Variants in PPP2R5E observed in about 807,000 individuals in gnomAD.
PPP2R5E encodes serine/threonine-protein phosphatase 2A 56 kDa regulatory subunit epsilon isoform.
PPP2R5E carries 4 observed loss-of-function variants against 65.3 expected under a neutral mutation model. That is an observed-to-expected ratio of 0.06 (90% confidence interval 0.03 to 0.14). The LOEUF (loss-of-function observed/expected upper bound fraction) is 0.14. Ranked by LOEUF, PPP2R5E falls within the 10% of genes least tolerant of loss-of-function variation. The pLI is 1.00. For missense variants in PPP2R5E, 274 were observed against 556.1 expected, an observed-to-expected ratio of 0.49 and a Z score of 5.10; for synonymous variants, 183 against 187.4, an observed-to-expected ratio of 0.98 and a Z score of 0.19.
chr14:63,407,887 TG>T (rs1457923829), intron 5 of PPP2R5E, among the ~76,000 whole-genome samples: 1 of 152,228 alleles, frequency 6.6e-6, no homozygotes, highest in Non-Finnish European at 1.5e-5. Flanking sequence ...CCCAGTAAGA[TG>T]ACACTCGTTA....
intron 2 of PPP2R5E, among the ~76,000 whole-genome samples, chr14:63,494,963 G>A (rs995232942): frequency 2.0e-5 from 3 of 152,014 alleles, no homozygotes; most frequent in African/African-American, 7.2e-5. Context: ...CAGCATTTTG[G>A]AAGGCTGAGG....
At chr14:63,524,742 A>T (rs1381828091) in intron 2 of PPP2R5E, among the ~76,000 whole-genome samples, 1 of 152,176 alleles carries the variant, frequency 6.6e-6, no homozygotes, top group Non-Finnish European at 1.5e-5. Context: ...CGGCCTGGCC[A>T]GCCTTCTTGA....
At chr14:63,392,992 G>T (rs1416024825) in intron 8 of PPP2R5E, among the ~76,000 whole-genome samples, 1 of 152,098 alleles carries the variant, frequency 6.6e-6, no homozygotes, top group East Asian at 1.9e-4. Context: ...TTAAAGTGAT[G>T]AAGGCTTAAA....
chr14:63,435,776 T>A (rs1394835186), intron 3 of PPP2R5E, among the ~76,000 whole-genome samples: 2 of 152,198 alleles, frequency 1.3e-5, no homozygotes, highest in African/African-American at 4.8e-5. Flanking sequence ...AGGAGGCAAC[T>A]TTTTACCTGC....
chr14:63,408,446 G>A (rs1354870620), intron 5 of PPP2R5E, among the ~76,000 whole-genome samples: 1 of 151,912 alleles, frequency 6.6e-6, no homozygotes, highest in Non-Finnish European at 1.5e-5. Flanking sequence ...GGGTTTTATG[G>A]CACGCTCAGC....
At position 63,373,563 on chromosome 14, in the gene PPP2R5E, T is replaced by C. The variant is rs928732666; in HGVS notation, c.*2446A>G. On this transcript the variant is annotated 3_prime_UTR_variant, in exon 14 of 14. Transcript: ENST00000337537. ...GCCCTACGAATTTTAGACATATAGC[T>C]TTAATTGATTCTATAAATATGTCTA... The C allele has an allele frequency of 2.0e-5, 3 of 152,244 alleles. No homozygotes were observed. The highest frequency in any genetic ancestry group is 4.4e-5 in the Non-Finnish European group (3 of 68,038). 9.4% of individuals were successfully genotyped at this position (152,244 alleles called of 1,614,324 possible). A position where few individuals can be genotyped will look rare whatever the true frequency, so the allele number is the denominator to read the frequency against.
rs368775530 is a variant in PPP2R5E, at chr14:63,535,285, G to A, written c.157+4244C>T. 2.6e-5 allele frequency among the ~76,000 whole-genome samples: 4 copies of A among 152,094 alleles called. No homozygotes were observed. In the East Asian group the frequency reaches 7.7e-4, roughly 29 times the overall value. ...AAATACAAAAAAATTAGCTTGGTGT[G>A]GTGGTGGGCACCTGCAATCCCAGCT... On this transcript the variant is annotated intron_variant, in intron 2 of 13. Transcript: ENST00000337537.
intron 3 of PPP2R5E, among the ~76,000 whole-genome samples, chr14:63,440,248 T>C (rs185842041): frequency 6.6e-6 from 1 of 152,192 alleles, no homozygotes; most frequent in Non-Finnish European, 1.5e-5. Flanking sequence ...CCTCCTCACC[T>C]CCTCAATCAC....
At chr14:63,489,999 A>G (rs1215531622) in intron 2 of PPP2R5E, among the ~76,000 whole-genome samples, 1 of 152,154 alleles carries the variant, frequency 6.6e-6, no homozygotes, top group East Asian at 1.9e-4. Flanking sequence ...AAGCAACTAT[A>G]AACATATTTT....
intron 5 of PPP2R5E, among the ~76,000 whole-genome samples, chr14:63,414,371 G>A (rs182216792): frequency 7.9e-5 from 12 of 152,126 alleles, no homozygotes; most frequent in East Asian, 1.9e-4. Context: ...TCTTCTTACC[G>A]GCTTACTAGG....
At chr14:63,501,556 T>C (rs1455201820) in intron 2 of PPP2R5E, among the ~76,000 whole-genome samples, 3 of 152,092 alleles carry the variant, frequency 2.0e-5, no homozygotes, top group African/African-American at 7.2e-5. Context: ...AGAGAGAAGG[T>C]AGCGAGAGGA....
intron 2 of PPP2R5E, among the ~76,000 whole-genome samples, chr14:63,485,412 G>A (rs11851954): frequency 0.08 from 12,142 of 151,788 alleles, 729 homozygotes; most frequent in African/African-American, 0.17. Context: ...TTTTTTGTTC[G>A]TTTTTTGGGG....
At chr14:63,383,255 A>T (rs1014122724) in intron 12 of PPP2R5E, among the ~76,000 whole-genome samples, 4 of 152,364 alleles carry the variant, frequency 2.6e-5, no homozygotes, top group South Asian at 4.1e-4. Flanking sequence ...TGCAACAAAC[A>T]TGCTCCTAAT....
intron 5 of PPP2R5E, among the ~76,000 whole-genome samples, chr14:63,408,924 G>A (rs1357920748): frequency 3.3e-5 from 5 of 152,070 alleles, no homozygotes; most frequent in East Asian, 1.9e-4. Flanking sequence ...GTGAAACCAC[G>A]TCTCTACCAA....
intron 5 of PPP2R5E, among the ~76,000 whole-genome samples, chr14:63,414,557 G>A (rs1032631463): frequency 1.3e-5 from 2 of 152,184 alleles, no homozygotes; most frequent in Non-Finnish European, 2.9e-5. Context: ...TAAAAAGGAA[G>A]ATCCATTGTT....
intron 2 of PPP2R5E, among the ~76,000 whole-genome samples, chr14:63,493,758 A>G (rs1169812720): frequency 6.6e-6 from 1 of 152,124 alleles, no homozygotes; most frequent in Non-Finnish European, 1.5e-5. Flanking sequence ...TGAGCTTCAA[A>G]TGACACAGGA....
intron 2 of PPP2R5E, among the ~76,000 whole-genome samples, chr14:63,484,349 A>T (rs61479213): frequency 0.055 from 6,049 of 110,666 alleles, 277 homozygotes; most frequent in African/African-American, 0.17. Flanking sequence ...TCTCTCTCTC[A>T]CACACACACA....
intron 4 of PPP2R5E, among the ~76,000 whole-genome samples, chr14:63,419,010 C>T (rs1000930310): frequency 1.3e-5 from 2 of 152,034 alleles, no homozygotes; most frequent in Non-Finnish European, 1.5e-5. Context: ...CCACGCCTGT[C>T]TAATTTTTGT....
chr14:63,455,644 G>C (rs1039657200), intron 2 of PPP2R5E, among the ~76,000 whole-genome samples: 1 of 151,954 alleles, frequency 6.6e-6, no homozygotes, highest in African/African-American at 2.4e-5. Flanking sequence ...TACCTGCTTT[G>C]GGCGTTTAAA....
Sources: gnomAD v4.1 joint callset for allele counts (sites outside exome capture counted in the v4.1 genomes callset) on GRCh38, gnomAD v4.1.1 for gene constraint, MANE v1.5 for transcripts, NCBI Gene and HGNC (gene_info 2026-07-23, HGNC 2026-07-21) for gene names.